Variants in PTPRD observed in about 807,000 individuals in gnomAD.
The protein encoded by PTPRD is receptor-type tyrosine-protein phosphatase delta.
Under a neutral mutation model 214.5 loss-of-function variants are expected in PTPRD, and 34 were observed. That is an observed-to-expected ratio of 0.16 (90% confidence interval 0.12 to 0.21). PTPRD has a LOEUF of 0.21. Ranked by LOEUF, PTPRD falls within the 10% of genes least tolerant of loss-of-function variation. The pLI is 1.00. For synonymous variants in PTPRD, 1,128 were observed against 845.7 expected, an observed-to-expected ratio of 1.33 and a Z score of -5.79; for missense variants, 2,545 against 2,398.7, an observed-to-expected ratio of 1.06 and a Z score of -1.27.
intron 7 of PTPRD, among the ~76,000 whole-genome samples, chr9:9,662,527 T>G (rs965553283): frequency 1.3e-5 from 2 of 151,666 alleles, no homozygotes; most frequent in Non-Finnish European, 3.0e-5. Context: ...TCCTTATTAT[T>G]TTATGACATT....
intron 9 of PTPRD, among the ~76,000 whole-genome samples, chr9:9,345,555 T>G (rs1158019869): frequency 6.6e-6 from 1 of 152,188 alleles, no homozygotes; most frequent in African/African-American, 2.4e-5. Flanking sequence ...TTAAAGTGCT[T>G]TCTTAGAATC....
intron 11 of PTPRD, among the ~76,000 whole-genome samples, chr9:8,888,149 C>A (rs549022412): frequency 6.6e-6 from 1 of 152,216 alleles, no homozygotes; most frequent in Admixed American, 6.5e-5. Flanking sequence ...CCATGACATA[C>A]ACAAAATGAC....
At chr9:10,381,989 T>C (rs2097835595) in intron 2 of PTPRD, among the ~76,000 whole-genome samples, 1 of 151,972 alleles carries the variant, frequency 6.6e-6, no homozygotes, top group African/African-American at 2.4e-5. Flanking sequence ...AGTTCTACCA[T>C]CTTCCCAGTT....
chr9:8,434,932 C>A (rs372684032), intron 35 of PTPRD, among the ~76,000 whole-genome samples: 1 of 152,088 alleles, frequency 6.6e-6, no homozygotes, highest in Non-Finnish European at 1.5e-5. Flanking sequence ...AAATAAGCTG[C>A]GACCATTTGA....
intron 3 of PTPRD, among the ~76,000 whole-genome samples, chr9:10,205,367 CTTTATTTTATTTTATTTTAT>C (rs199568529): frequency 4.7e-4 from 69 of 148,172 alleles, no homozygotes; most frequent in South Asian, 1.9e-3. Flanking sequence ...TCTTCTTCTT[CTTTATTTTATTTTATTTTAT>C]TTTATTTTAT....
chr9:10,416,543 A>G (rs1020975251), intron 2 of PTPRD, among the ~76,000 whole-genome samples: 1 of 151,954 alleles, frequency 6.6e-6, no homozygotes, highest in Non-Finnish European at 1.5e-5. Flanking sequence ...GTGTTACTAA[A>G]AAAGCGATGA....
chr9:10,103,167 T>G (rs539405775), intron 3 of PTPRD, among the ~76,000 whole-genome samples: 30 of 151,228 alleles, frequency 2.0e-4, no homozygotes, highest in African/African-American at 7.3e-4. Context: ...CTTGGAATGG[T>G]TTTCAAACAA....
At chr9:8,990,540 C>T (rs2099362324) in intron 11 of PTPRD, among the ~76,000 whole-genome samples, 1 of 152,126 alleles carries the variant, frequency 6.6e-6, no homozygotes, top group South Asian at 2.1e-4. Context: ...CTGTCCCTGG[C>T]CCCTCATTCT....
intron 3 of PTPRD, among the ~76,000 whole-genome samples, chr9:10,173,308 A>C (rs2099223338): frequency 6.6e-6 from 1 of 152,154 alleles, no homozygotes; most frequent in Admixed American, 6.5e-5. Context: ...TAAATAATGG[A>C]GTGTTACAGG....
chr9:10,090,118 A>G (rs577095957), intron 3 of PTPRD, among the ~76,000 whole-genome samples: 1 of 151,804 alleles, frequency 6.6e-6, no homozygotes, highest in East Asian at 1.9e-4. Context: ...AAGCATATCC[A>G]TATAGCATAG....
At chr9:8,583,709 G>C (rs942488122) in intron 14 of PTPRD, among the ~76,000 whole-genome samples, 26 of 152,280 alleles carry the variant, frequency 1.7e-4, no homozygotes, top group Admixed American at 4.6e-4. Context: ...GTTATGGGAG[G>C]TGGGAGGATG....
intron 4 of PTPRD, among the ~76,000 whole-genome samples, chr9:9,955,231 T>C (rs2093804139): frequency 6.6e-6 from 1 of 152,094 alleles, no homozygotes; most frequent in African/African-American, 2.4e-5. Flanking sequence ...AAAGAACAAA[T>C]GAATAATGCA....
At chr9:9,133,318 C>T (rs371182149) in intron 10 of PTPRD, among the ~76,000 whole-genome samples, 2 of 152,216 alleles carry the variant, frequency 1.3e-5, no homozygotes, top group South Asian at 4.1e-4. Flanking sequence ...GGCAAGTTTC[C>T]TAAAATTTAT....
chr9:8,877,640 GA>G (rs772058182), intron 11 of PTPRD, among the ~76,000 whole-genome samples: 17 of 152,074 alleles, frequency 1.1e-4, no homozygotes, highest in Non-Finnish European at 2.1e-4. Context: ...AGTTTATCAG[GA>G]AAAAAATGCA....
chr9:8,947,355 C>T (rs1394460764), intron 11 of PTPRD, among the ~76,000 whole-genome samples: 5 of 149,448 alleles, frequency 3.3e-5, no homozygotes, highest in East Asian at 2.0e-4. Context: ...CCCAGCTATT[C>T]GGGAGACTGA....
At chr9:9,974,230 T>C (rs1419148225) in intron 4 of PTPRD, among the ~76,000 whole-genome samples, 1 of 152,174 alleles carries the variant, frequency 6.6e-6, no homozygotes, top group Non-Finnish European at 1.5e-5. Context: ...CAGTGTTTGA[T>C]TTTAAACTGC....
chr9:9,363,924 A>G (rs889875230), intron 9 of PTPRD, among the ~76,000 whole-genome samples: 1 of 151,450 alleles, frequency 6.6e-6, no homozygotes, highest in African/African-American at 2.4e-5. Context: ...TGAAATTATA[A>G]AAAAGTGTTC....
chr9:8,946,126 G>T (rs1452856233), intron 11 of PTPRD, among the ~76,000 whole-genome samples: 1 of 152,098 alleles, frequency 6.6e-6, no homozygotes, highest in African/African-American at 2.4e-5. Flanking sequence ...ATATAAAATG[G>T]TAACCAAGAG....
chr9:10,245,514 C>G (rs894639281), intron 3 of PTPRD, among the ~76,000 whole-genome samples: 1 of 151,984 alleles, frequency 6.6e-6, no homozygotes, highest in African/African-American at 2.4e-5. Flanking sequence ...GCAAGGTGGC[C>G]CCACAAGCAC....
Sources: gnomAD v4.1 joint callset for allele counts (sites outside exome capture counted in the v4.1 genomes callset) on GRCh38, gnomAD v4.1.1 for gene constraint, MANE v1.5 for transcripts, NCBI Gene and HGNC (gene_info 2026-07-23, HGNC 2026-07-21) for gene names.